The following SPTBN1 variants were observed in gnomAD, a reference collection of about 807,000 sequenced individuals.
The protein encoded by SPTBN1 is spectrin beta chain, non-erythrocytic 1.
A neutral mutation model predicts 266.4 loss-of-function variants in SPTBN1; 32 were observed. The observed-to-expected ratio is 0.12, with a 90% CI of 0.09 to 0.16. SPTBN1 has a LOEUF of 0.16. Ranked by LOEUF, SPTBN1 falls within the 10% of genes least tolerant of loss-of-function variation. The pLI is 1.00. For synonymous variants in SPTBN1, 1,336 were observed against 1,162.2 expected (o/e 1.15, Z -3.04); for missense variants, 2,296 against 3,067.1 (o/e 0.75, Z 5.94).
intron 2 of SPTBN1, among the ~76,000 whole-genome samples, chr2:54,595,491 C>T (rs995636057): frequency 2.0e-5 from 3 of 152,186 alleles, no homozygotes; most frequent in African/African-American, 4.8e-5. Context: ...AAAAGGTAAA[C>T]GGAGAATGGA....
At chr2:54,563,346 T>C (rs900290971) in intron 2 of SPTBN1, among the ~76,000 whole-genome samples, 3 of 152,122 alleles carry the variant, frequency 2.0e-5, no homozygotes, top group Non-Finnish European at 2.9e-5. Flanking sequence ...ACTCCGCATC[T>C]GATCTTTCTG....
rs935128955 is a variant in SPTBN1, at chr2:54,507,330, T to C, written c.-47-19042T>C. Among the ~76,000 whole-genome samples, 5 of 151,470 alleles carry C rather than the reference T, an allele frequency of 3.3e-5. No individual in the cohort carries two copies. In the East Asian group the frequency reaches 9.7e-4, roughly 29 times the overall value. On this transcript the variant is annotated intron_variant, in intron 1 of 35. Transcript: ENST00000356805. ...TCTTATATTAATAAGAAAAATAAAA[T>C]AGTGGTAAAGTGTTGGGGTGGGGAA...
rs899030204 is a variant in SPTBN1 at position 54,625,016 on chromosome 2, A to T, written c.1341+54A>T. 1.4e-5 allele frequency: 21 copies of T among 1,519,666 alleles called. No individual in the cohort carries two copies. The African/African-American group carries it at 2.4e-4, about 17-fold the overall frequency. The allele number at this position is 1,519,666 out of a possible 1,614,324, so 94.1% of individuals were successfully genotyped here. A position where few individuals can be genotyped will look rare whatever the true frequency, so the allele number is the denominator to read the frequency against. On this transcript the variant is annotated intron_variant, in intron 11 of 35. Coordinates refer to ENST00000356805, the MANE Select transcript of SPTBN1 (RefSeq NM_003128.3). ...TGTTGCTAGGGTAATCTAGAAACAC[A>T]GACCATCCCCAGGGGCATAGGGCCA... is the stretch of plus-strand genomic sequence containing the variant.
At position 54,599,191 on chromosome 2, in the gene SPTBN1, G is replaced by A; in HGVS notation, c.248G>A (p.Arg83Gln). 3.1e-6 allele frequency: 5 copies of A among 1,614,148 alleles called. No homozygotes were observed. The highest frequency in any genetic ancestry group is 1.3e-5 in the African/African-American group (1 of 75,024). ...ATCACAGACCTGTACACTGACCTTC[G>A]AGATGGACGGATGCTCATCAAGCTG... is the stretch of plus-strand genomic sequence containing the variant. ...CRITDLYTDL[R>Q]DGRMLIKLLE... The change falls in exon 3 of 36, where the codon CGA (arginine) becomes CAA (glutamine). Residue 83 changes from arginine to glutamine, a missense_variant. By Grantham distance (43) the Arg-to-Gln change is conservative. This residue lies in a region of SPTBN1 where 178 missense variants were observed against 375.7 expected (regional missense o/e 0.47). Coordinates refer to ENST00000356805, the MANE Select transcript of SPTBN1 (RefSeq NM_003128.3).
intron 2 of SPTBN1, among the ~76,000 whole-genome samples, chr2:54,560,245 A>G (rs1365931740): frequency 6.6e-6 from 1 of 151,752 alleles, no homozygotes; most frequent in Non-Finnish European, 1.5e-5. Flanking sequence ...CGGGTCGGAG[A>G]ATCCACTGCG....
intron 1 of SPTBN1, among the ~76,000 whole-genome samples, chr2:54,498,204 C>T (rs1270197406): frequency 6.6e-6 from 1 of 152,196 alleles, no homozygotes; most frequent in Non-Finnish European, 1.5e-5. Flanking sequence ...AGAGCATAGA[C>T]TAAGTGCTTC....
intron 2 of SPTBN1, among the ~76,000 whole-genome samples, chr2:54,596,091 C>T (rs943315142): frequency 3.3e-5 from 5 of 152,184 alleles, no homozygotes; most frequent in African/African-American, 9.7e-5. Flanking sequence ...TCACTGCCCT[C>T]TGCTGCCCCA....
At position 54,562,402 on chromosome 2, in the gene SPTBN1, C is replaced by G. The variant is rs551603569; in HGVS notation, c.148+35836C>G. 2.0e-5 allele frequency among the ~76,000 whole-genome samples: 3 copies of G among 152,270 alleles called. No individual in the cohort carries two copies. In the East Asian group the frequency reaches 5.8e-4, roughly 29 times the overall value. On this transcript the variant is annotated intron_variant, in intron 2 of 35. Transcript: ENST00000356805. ...ACTTCTTATTCTAATATATTCCATT[C>G]AAATCTGGTAGGCAGGCCTACAGCT...
chr2:54,602,608 C>G (rs1003177368), intron 3 of SPTBN1, among the ~76,000 whole-genome samples: 2 of 152,162 alleles, frequency 1.3e-5, no homozygotes, highest in African/African-American at 4.8e-5. Context: ...TGCCCTCCCC[C>G]AAACCCCACC....
chr2:54,469,970 C>T (rs992431563), intron 1 of SPTBN1, among the ~76,000 whole-genome samples: 2 of 152,210 alleles, frequency 1.3e-5, no homozygotes, highest in African/African-American at 4.8e-5. Context: ...TCCTGTCTTT[C>T]ATTCTCTGTT....
chr2:54,483,178 T>C (rs1668185799), intron 1 of SPTBN1, among the ~76,000 whole-genome samples: 1 of 152,186 alleles, frequency 6.6e-6, no homozygotes, highest in African/African-American at 2.4e-5. Flanking sequence ...AAGACCTGCC[T>C]CAATAGTTTG....
intron 2 of SPTBN1, among the ~76,000 whole-genome samples, chr2:54,569,729 G>T (rs1420342128): frequency 6.6e-6 from 1 of 152,132 alleles, no homozygotes; most frequent in Non-Finnish European, 1.5e-5. Context: ...TGAGATTGTT[G>T]TAAGAATTAG....
chr2:54,603,490 A>G (rs1480676738), intron 3 of SPTBN1, among the ~76,000 whole-genome samples: 1 of 152,186 alleles, frequency 6.6e-6, no homozygotes, highest in East Asian at 1.9e-4. Context: ...TGCTGCTAGT[A>G]GGCGATATGG....
intron 9 of SPTBN1, among the ~76,000 whole-genome samples, chr2:54,622,969 A>T (rs939663562): frequency 1.6e-4 from 25 of 152,324 alleles, no homozygotes; most frequent in African/African-American, 6.0e-4. Context: ...AGGTTTTGCA[A>T]CCCAAAAAAA....
chr2:54,472,020 A>ATTTTT (rs1420661034), intron 1 of SPTBN1, among the ~76,000 whole-genome samples: 34 of 48,472 alleles, frequency 7.0e-4, no homozygotes, highest in African/African-American at 3.3e-3. Context: ...GGCCCTGAAG[A>ATTTTT]TGTTTTTTTT....
chr2:54,601,238 C>A (rs552266293), intron 3 of SPTBN1, among the ~76,000 whole-genome samples: 27 of 152,190 alleles, frequency 1.8e-4, no homozygotes, highest in Non-Finnish European at 3.7e-4. Flanking sequence ...ACCCATTCTT[C>A]ACAGCCATCT....
At chr2:54,639,808 T>C (rs1679406753) in intron 18 of SPTBN1, among the ~76,000 whole-genome samples, 1 of 152,218 alleles carries the variant, frequency 6.6e-6, no homozygotes, top group Non-Finnish European at 1.5e-5. Context: ...GCCCAGGGGC[T>C]CTGTCTTCTG....
intron 1 of SPTBN1, among the ~76,000 whole-genome samples, chr2:54,463,750 G>T (rs960549297): frequency 5.9e-5 from 9 of 152,240 alleles, no homozygotes; most frequent in African/African-American, 2.2e-4. Flanking sequence ...TTTAGAAAAG[G>T]TATATTCTAG....
chr2:54,656,240 G>A (rs1248735499), intron 29 of SPTBN1, among the ~76,000 whole-genome samples: 1 of 152,146 alleles, frequency 6.6e-6, no homozygotes, highest in Non-Finnish European at 1.5e-5. Context: ...GTTCTTTAGG[G>A]ATGACAGAGG....
Sources: allele counts gnomAD v4.1 joint callset (sites outside exome capture counted in the v4.1 genomes callset), GRCh38; gene constraint gnomAD v4.1.1; regional missense constraint gnomAD v4.1.1; transcripts MANE v1.5; gene names NCBI Gene and HGNC (gene_info 2026-07-23, HGNC 2026-07-21).